CDH13: variants seen among roughly 807,000 people sequenced by gnomAD.
CDH13 encodes the protein cadherin 13, also known as cadherin-13.
CDH13 carries 24 observed loss-of-function variants against 63.8 expected under a neutral mutation model. The observed-to-expected ratio is 0.38, with a 90% CI of 0.27 to 0.53. The LOEUF (loss-of-function observed/expected upper bound fraction) is 0.53. Ranked by LOEUF, CDH13 falls within the 20% of genes least tolerant of loss-of-function variation. The probability of loss-of-function intolerance (pLI) is 0.85; values close to 1 mark genes in which losing one functional copy is unlikely to be tolerated. For synonymous variants in CDH13, 503 were observed against 355.3 expected (o/e 1.42, Z -4.67); for missense variants, 1,049 against 903.1 (o/e 1.16, Z -2.07).
At chr16:83,118,738 C>T (rs1178471065) in intron 3 of CDH13, among the ~76,000 whole-genome samples, 1 of 152,080 alleles carries the variant, frequency 6.6e-6, no homozygotes, top group African/African-American at 2.4e-5. Context: ...CATTATCCTC[C>T]TTTACAGATG....
chr16:82,699,982 G>A (rs2030786514), intron 1 of CDH13, among the ~76,000 whole-genome samples: 1 of 152,248 alleles, frequency 6.6e-6, no homozygotes, highest in African/African-American at 2.4e-5. Context: ...AGAGAGCTTT[G>A]TTGATTTATC....
intron 7 of CDH13, among the ~76,000 whole-genome samples, chr16:83,586,161 C>T (rs1432417203): frequency 1.3e-5 from 2 of 152,152 alleles, no homozygotes; most frequent in Non-Finnish European, 1.5e-5. Flanking sequence ...AACTGGCAAG[C>T]GATGACCACC....
In CDH13 at chr16:82,672,802, TAC is replaced by T. The variant is rs71146083; in HGVS notation, c.45+45679_45+45680del. ...ACACACACACACACACACACACACATACACACACACACACAAAATATATATAT... is the reference window on the plus strand; with the variant it reads ...ACACACACACACACACACACACACATACACACACACACAAAATATATATAT... On this transcript the variant is annotated intron_variant, in intron 1 of 13. Transcript: ENST00000567109. 8.1e-3 allele frequency among the ~76,000 whole-genome samples: 694 copies of T among 85,722 alleles called. 11 individuals are homozygous for T. Among genetic ancestry groups the T allele is most frequent in the African/African-American group, 0.022 (541 of 25,082 alleles). 56.2% of individuals were successfully genotyped at this position (85,722 alleles called of 152,430 possible).
chr16:83,395,943 C>T (rs1399348832), intron 6 of CDH13, among the ~76,000 whole-genome samples: 1 of 152,142 alleles, frequency 6.6e-6, no homozygotes, highest in Non-Finnish European at 1.5e-5. Context: ...TCCTGATCCT[C>T]TCCCTCCTCC....
intron 2 of CDH13, among the ~76,000 whole-genome samples, chr16:82,961,693 A>G (rs989595958): frequency 6.6e-6 from 1 of 152,118 alleles, no homozygotes; most frequent in East Asian, 1.9e-4. Context: ...TGCTATTCCA[A>G]CGTACAGCCA....
At chr16:83,742,639 T>C (rs146759315) in intron 10 of CDH13, among the ~76,000 whole-genome samples, 13 of 152,316 alleles carry the variant, frequency 8.5e-5, no homozygotes, top group African/African-American at 2.6e-4. Context: ...AAAAGCCTGA[T>C]TGGACAAAAG....
At chr16:83,178,009 A>G (rs559231835) in intron 4 of CDH13, among the ~76,000 whole-genome samples, 74 of 152,272 alleles carry the variant, frequency 4.9e-4, no homozygotes, top group African/African-American at 1.7e-3. Context: ...GGGCAGGAAT[A>G]AAGGAGCTAC....
intron 5 of CDH13, among the ~76,000 whole-genome samples, chr16:83,242,011 T>C (rs1167478493): frequency 6.6e-6 from 1 of 152,220 alleles, no homozygotes; most frequent in Non-Finnish European, 1.5e-5. Context: ...CTGATTTTTG[T>C]ATACGGCATG....
chr16:83,308,149 A>G (rs2089921084), intron 5 of CDH13, among the ~76,000 whole-genome samples: 2 of 152,158 alleles, frequency 1.3e-5, no homozygotes, highest in Admixed American at 6.6e-5. Flanking sequence ...TTTCATTACT[A>G]TTCAATATAT....
intron 6 of CDH13, among the ~76,000 whole-genome samples, chr16:83,470,618 G>T (rs898139837): frequency 8.6e-5 from 13 of 152,006 alleles, no homozygotes; most frequent in African/African-American, 3.1e-4. Flanking sequence ...CTACTCATTG[G>T]CAGGAGGGAG....
chr16:82,793,302 G>A (rs950721143), intron 1 of CDH13, among the ~76,000 whole-genome samples: 1 of 152,020 alleles, frequency 6.6e-6, no homozygotes, highest in South Asian at 2.1e-4. Context: ...GGGAGAAAAG[G>A]CAATAAAAAG....
chr16:83,647,796 A>C (rs1332926486), intron 8 of CDH13, among the ~76,000 whole-genome samples: 1 of 152,124 alleles, frequency 6.6e-6, no homozygotes, highest in Non-Finnish European at 1.5e-5. Context: ...GGTAGGACCA[A>C]AGGGGAAGAG....
chr16:83,518,440 C>T (rs372477052), intron 7 of CDH13, among the ~76,000 whole-genome samples: 6 of 149,218 alleles, frequency 4.0e-5, no homozygotes, highest in South Asian at 4.3e-4. Context: ...CCACCGCGCC[C>T]GGCCAAGATG....
intron 1 of CDH13, among the ~76,000 whole-genome samples, chr16:82,662,717 AG>A (rs1482227468): frequency 6.6e-6 from 1 of 152,224 alleles, no homozygotes; most frequent in East Asian, 1.9e-4. Context: ...CTGCTATAGA[AG>A]GGGGCAGATC....
chr16:82,725,882 C>G (rs374890858), intron 1 of CDH13, among the ~76,000 whole-genome samples: 1 of 152,132 alleles, frequency 6.6e-6, no homozygotes, highest in Non-Finnish European at 1.5e-5. Flanking sequence ...AGTTACCTTT[C>G]TGTTCATAGA....
At chr16:83,608,336 T>C (rs1908538953) in intron 8 of CDH13, among the ~76,000 whole-genome samples, 1 of 152,224 alleles carries the variant, frequency 6.6e-6, no homozygotes, top group Non-Finnish European at 1.5e-5. Context: ...AGTTAGGAGC[T>C]GTCAAGCTGC....
chr16:83,111,618 GA>G (rs1241132122), intron 3 of CDH13, among the ~76,000 whole-genome samples: 2 of 152,194 alleles, frequency 1.3e-5, no homozygotes, highest in African/African-American at 4.8e-5. Flanking sequence ...TAACATAAGG[GA>G]GTGTCATAAT....
intron 5 of CDH13, among the ~76,000 whole-genome samples, chr16:83,250,449 C>G (rs1461594595): frequency 6.6e-6 from 1 of 151,998 alleles, no homozygotes; most frequent in African/African-American, 2.4e-5. Context: ...GTGATGAGCC[C>G]TAGGGAAAGG....
At chr16:83,493,190 A>G (rs184547030) in intron 7 of CDH13, among the ~76,000 whole-genome samples, 2 of 152,332 alleles carry the variant, frequency 1.3e-5, no homozygotes, top group Admixed American at 6.5e-5. Flanking sequence ...CACTCTGTAA[A>G]TATTAGTTGG....
Sources: allele counts gnomAD v4.1 joint callset (sites outside exome capture counted in the v4.1 genomes callset), GRCh38; gene constraint gnomAD v4.1.1; transcripts MANE v1.5; gene names NCBI Gene and HGNC (gene_info 2026-07-23, HGNC 2026-07-21).